The following PLA2G4E variants were observed in gnomAD, a reference collection of about 807,000 sequenced individuals.
PLA2G4E encodes the protein cytosolic phospholipase A2 epsilon.
PLA2G4E carries 84 observed loss-of-function variants against 109.1 expected under a neutral mutation model. The ratio of observed to expected loss-of-function variants is 0.77; its 90% CI spans 0.65 to 0.92. PLA2G4E has a LOEUF of 0.92. PLA2G4E is among the 40% of genes least tolerant of loss of function. The probability of loss-of-function intolerance (pLI) is 0.00; values close to 1 mark genes in which losing one functional copy is unlikely to be tolerated. For missense variants in PLA2G4E, 1,057 were observed against 1,076.6 expected, an observed-to-expected ratio of 0.98 and a Z score of 0.25; for synonymous variants, 469 against 436.1, an observed-to-expected ratio of 1.08 and a Z score of -0.94.
intron 1 of PLA2G4E, among the ~76,000 whole-genome samples, chr15:42,022,185 T>C (rs754036427): frequency 6.6e-6 from 1 of 152,212 alleles, no homozygotes; most frequent in African/African-American, 2.4e-5. Flanking sequence ...GAGAGCCAGA[T>C]GCATCCAACC....
chr15:42,013,813 C>CGG, intron 1 of PLA2G4E, 56 bp from the exon 2 acceptor site: 2 of 1,460,370 alleles, frequency 1.4e-6, no homozygotes, highest in Non-Finnish European at 1.9e-6. Context: ...AAGGCCATTG[C>CGG]CCCGGGGGAG....
At chr15:42,002,388 C>T (rs769045377) in intron 6 of PLA2G4E, among the ~76,000 whole-genome samples, 11 of 151,360 alleles carry the variant, frequency 7.3e-5, no homozygotes, top group Non-Finnish European at 1.3e-4. Flanking sequence ...TGGGGAGGCT[C>T]TTAAGGGGAA....
At position 41,995,508 on chromosome 15, in the gene PLA2G4E, C is replaced by G; in HGVS notation, c.1111-12G>C. On this transcript the variant is annotated splice_polypyrimidine_tract_variant and intron_variant, in intron 11 of 19. Coordinates refer to ENST00000399518, the Ensembl canonical transcript of PLA2G4E. ...GCTATCAGCGGCACCTGGGGTTACA[C>G]AGAGGCAGGCGGTTGGGGAAGGCTC... The G allele has an allele frequency of 2.5e-6, 4 of 1,610,886 alleles. No individual in the cohort carries two copies. Among genetic ancestry groups the G allele is most frequent in the South Asian group, 1.1e-5 (1 of 91,030 alleles).
At chr15:42,050,469 G>A in intron 1 of PLA2G4E, 2 of 1,507,856 alleles carry the variant, frequency 1.3e-6, no homozygotes, top group Non-Finnish European at 1.8e-6. Flanking sequence ...AGTCAGGAAA[G>A]TGAGGTTAAA....
intron 16 of PLA2G4E, among the ~76,000 whole-genome samples, 178 bp downstream of exon 16, chr15:41,987,871 C>T (rs1446367657): frequency 2.0e-5 from 3 of 151,894 alleles, no homozygotes; most frequent in East Asian, 3.9e-4. Flanking sequence ...CCCCATCACC[C>T]AGCCATGAGG....
chr15:42,002,287 A>AACAAAC, intron 6 of PLA2G4E, among the ~76,000 whole-genome samples: 1 of 140,892 alleles, frequency 7.1e-6, no homozygotes. Context: ...AAAAAAAAAA[A>AACAAAC]GGTAAACTGT....
exon 20 of PLA2G4E, chr15:41,983,491 T>C (rs954463811): frequency 4.3e-6 from 2 of 463,334 alleles, no homozygotes; most frequent in Admixed American, 3.6e-5. Flanking sequence ...TGTGGGAGCC[T>C]GTGGCTATGA....
chr15:42,008,018 C>A (rs137911639), intron 2 of PLA2G4E, among the ~76,000 whole-genome samples, 153 bp from the exon 3 acceptor site: 1 of 152,364 alleles, frequency 6.6e-6, no homozygotes, highest in Non-Finnish European at 1.5e-5. Context: ...AGACTCAGAT[C>A]CCCAAGAAGT....
rs770678058 is a variant in PLA2G4E, at chr15:41,983,802, C to G, written c.2559G>C (p.Arg853=). The change falls in exon 20 of 20, where the codon CGG becomes CGC. Residue 853 remains arginine (R), a synonymous_variant. Transcript: ENST00000399518. Reference sequence around the variant, plus strand: ...GGCGCTTCTTCTTCTCCACTGCGAGCCGCAGAGCCTGGAGGAGAGTGTCCT... The same window carrying G: ...GGCGCTTCTTCTTCTCCACTGCGAGGCGCAGAGCCTGGAGGAGAGTGTCCT... The G allele has an allele frequency of 1.9e-6, 3 of 1,608,656 alleles. No homozygotes were observed. In the South Asian group the frequency reaches 3.3e-5, roughly 18 times the overall value.
chr15:42,004,005 G>T (rs531403302), intron 5 of PLA2G4E, among the ~76,000 whole-genome samples: 1 of 151,900 alleles, frequency 6.6e-6, no homozygotes, highest in Non-Finnish European at 1.5e-5. Flanking sequence ...ATCCTGGATC[G>T]TTTTCCTAAT....
chr15:41,989,739 T>A (rs1413726063), intron 14 of PLA2G4E, among the ~76,000 whole-genome samples, 187 bp from the exon 15 acceptor site: 1 of 152,192 alleles, frequency 6.6e-6, no homozygotes, highest in Non-Finnish European at 1.5e-5. Context: ...AAGGGTCAGC[T>A]TTGCCATGCT....
At chr15:41,995,834 G>T (rs1442904191) in intron 11 of PLA2G4E, among the ~76,000 whole-genome samples, 1 of 152,188 alleles carries the variant, frequency 6.6e-6, no homozygotes, top group Admixed American at 6.5e-5. Flanking sequence ...GAGGGTGGTG[G>T]GCAGCTTGTT....
At chr15:42,021,802 G>A (rs1164161297) in intron 1 of PLA2G4E, among the ~76,000 whole-genome samples, 1 of 152,204 alleles carries the variant, frequency 6.6e-6, no homozygotes, top group Non-Finnish European at 1.5e-5. Context: ...GGAGTTTCCT[G>A]CCTGAGCTAT....
At chr15:41,997,217 T>C in exon 11 of PLA2G4E, 2 of 1,551,496 alleles carry the variant, frequency 1.3e-6, no homozygotes, top group Non-Finnish European at 1.7e-6. Flanking sequence ...CCAGCTCTGC[T>C]GGGCACAGGC....
At chr15:42,023,785 T>A (rs1054114774) in intron 1 of PLA2G4E, among the ~76,000 whole-genome samples, 1 of 151,628 alleles carries the variant, frequency 6.6e-6, no homozygotes, top group African/African-American at 2.4e-5. Context: ...AAACCCCCAC[T>A]CCAACTCGTA....
chr15:42,027,630 C>A (rs2068703539), intron 1 of PLA2G4E, among the ~76,000 whole-genome samples: 1 of 152,212 alleles, frequency 6.6e-6, no homozygotes, highest in Admixed American at 6.5e-5. Flanking sequence ...TTCAAGCCTG[C>A]CCCTCACTTC....
chr15:42,014,322 T>C (rs2068567861), intron 1 of PLA2G4E, among the ~76,000 whole-genome samples: 1 of 152,192 alleles, frequency 6.6e-6, no homozygotes, highest in African/African-American at 2.4e-5. Flanking sequence ...TATAGCATGC[T>C]CATATCTAGA....
intron 5 of PLA2G4E, among the ~76,000 whole-genome samples, chr15:42,004,256 C>A (rs1038270908): frequency 6.6e-6 from 1 of 151,018 alleles, no homozygotes; most frequent in East Asian, 1.9e-4. Flanking sequence ...GAGCTGAGAT[C>A]GCACCACTGT....
intron 8 of PLA2G4E, 24 bp downstream of exon 8, chr15:42,000,080 C>A (rs2068399637): frequency 6.3e-7 from 1 of 1,576,806 alleles, no homozygotes; most frequent in East Asian, 2.3e-5. Flanking sequence ...CCCCACACCT[C>A]CCCCAGTGTC....
Sources: gnomAD v4.1 joint callset for allele counts (sites outside exome capture counted in the v4.1 genomes callset) on GRCh38, gnomAD v4.1.1 for gene constraint, MANE v1.5 for transcripts, NCBI Gene and HGNC (gene_info 2026-07-23, HGNC 2026-07-21) for gene names.